Variants in GPBP1 observed in about 807,000 individuals in gnomAD.
GPBP1 encodes vasculin.
In GPBP1, 13 loss-of-function variants were observed where a neutral mutation model predicts 56.5. That is an observed-to-expected ratio of 0.23 (90% confidence interval 0.15 to 0.37). The LOEUF is 0.37. Among genes scored for constraint, GPBP1 ranks in the 10% least tolerant of loss-of-function variants. The pLI is 1.00. For synonymous variants in GPBP1, 204 were observed against 188.9 expected (o/e 1.08, Z -0.66); for missense variants, 477 against 572.3 (o/e 0.83, Z 1.70).
At chr5:57,197,360 C>CTTTTTTT (rs34110209) in intron 2 of GPBP1, among the ~76,000 whole-genome samples, 3 of 119,882 alleles carry the variant, frequency 2.5e-5, no homozygotes, top group Non-Finnish European at 3.2e-5. Flanking sequence ...TATCATTTTG[C>CTTTTTTT]TTTTTTTTTT....
rs1753686027 is a variant in GPBP1 at position 57,174,095 on chromosome 5, C to G, written c.-1127C>G. 6.5e-6 allele frequency: 1 copy of G among 153,094 alleles called. No homozygotes were observed. Among genetic ancestry groups the G allele is most frequent in the South Asian group, 2.1e-4 (1 of 4,862 alleles). The allele number at this position is 153,094 out of a possible 1,614,324, so 9.5% of individuals were successfully genotyped here. On this transcript the variant is annotated 5_prime_UTR_variant, in exon 1 of 12. Transcript: ENST00000506184. The stretch of plus-strand genomic sequence containing the variant: ...GGTCGGCGCCATTTTGGGACTGAGA[C>G]TGGTTGTGGGGGAGGGAAAAGCGGC...
At chr5:57,221,383 C>T (rs979941129) in intron 3 of GPBP1, 1 of 1,529,804 alleles carries the variant, frequency 6.5e-7, no homozygotes. Flanking sequence ...TAGGTCCTGA[C>T]CAGCAGTTTG....
In GPBP1 at chr5:57,177,648, C is replaced by CTTTTTTTT. The variant is rs58708281; in HGVS notation, c.-58+1271_-58+1278dup. 1.2e-3 allele frequency among the ~76,000 whole-genome samples: 112 copies of CTTTTTTTT among 92,216 alleles called. 4 individuals are homozygous for CTTTTTTTT. The highest frequency in any genetic ancestry group is 1.8e-3 in the Non-Finnish European group (90 of 50,784). The allele number at this position is 92,216 out of a possible 152,430, so 60.5% of individuals were successfully genotyped here. On this transcript the variant is annotated intron_variant, in intron 2 of 11. Transcript: ENST00000506184. ...GCCACCACGCTCGGCCAATTTTTGCCTTTTTTTTTTTTTTTTTTTTTTTTT... is the reference window on the plus strand; with the variant it reads ...GCCACCACGCTCGGCCAATTTTTGCCTTTTTTTTTTTTTTTTTTTTTTTTTTTTTTTTT...
chr5:57,191,591 G>GC (rs1754528770), intron 2 of GPBP1, among the ~76,000 whole-genome samples: 1 of 148,756 alleles, frequency 6.7e-6, no homozygotes, highest in African/African-American at 2.5e-5. Context: ...GAGACCGAGT[G>GC]TCACTCTATC....
chr5:57,221,437 T>G (rs1755955506), intron 3 of GPBP1: 6 of 1,259,314 alleles, frequency 4.8e-6, no homozygotes, highest in South Asian at 2.6e-5. Context: ...TATTGAAAAA[T>G]TTAGATAACT....
intron 6 of GPBP1, among the ~76,000 whole-genome samples, chr5:57,240,165 T>C (rs1740755744): frequency 6.6e-6 from 1 of 151,880 alleles, no homozygotes; most frequent in African/African-American, 2.4e-5. Context: ...GTGGGAGGAC[T>C]GCTTGAGCCC....
intron 10 of GPBP1, among the ~76,000 whole-genome samples, chr5:57,259,233 CAAGT>C (rs1424832769): frequency 2.0e-5 from 3 of 152,118 alleles, no homozygotes; most frequent in Non-Finnish European, 4.4e-5. Flanking sequence ...TCTTTGCCAT[CAAGT>C]AAGCAAGTTA....
At chr5:57,229,611 A>G (rs1756354969) in intron 3 of GPBP1, among the ~76,000 whole-genome samples, 1 of 151,716 alleles carries the variant, frequency 6.6e-6, no homozygotes, top group South Asian at 2.1e-4. Context: ...GCTCACTGCA[A>G]CTGCAACCTG....
intron 2 of GPBP1, among the ~76,000 whole-genome samples, chr5:57,210,903 C>T (rs1755447635): frequency 6.6e-6 from 1 of 152,148 alleles, no homozygotes; most frequent in East Asian, 1.9e-4. Flanking sequence ...ACTCTAATTG[C>T]CTCATTTGCA....
At chr5:57,219,375 C>CAAAA (rs869152603) in intron 3 of GPBP1, among the ~76,000 whole-genome samples, 3 of 35,318 alleles carry the variant, frequency 8.5e-5, no homozygotes, top group African/African-American at 2.3e-4. Flanking sequence ...GACTCTGTCT[C>CAAAA]AAAAAAAAAA....
In GPBP1 at chr5:57,180,241, A is replaced by G. The variant is rs537571067; in HGVS notation, c.-58+3841A>G. On this transcript the variant is annotated intron_variant, in intron 2 of 11. Transcript: ENST00000506184. ...GTGATTCTTATGCCTCAGCCTCCCA[A>G]GTAGCTGAGGTTACAGGTCCCCGCT... Among the ~76,000 whole-genome samples, 14 of 152,220 alleles carry G rather than the reference A, an allele frequency of 9.2e-5. No individual in the cohort carries two copies. In the East Asian group the frequency reaches 2.7e-3, roughly 29 times the overall value.
intron 2 of GPBP1, among the ~76,000 whole-genome samples, chr5:57,213,629 T>C (rs558815091): frequency 3.9e-5 from 6 of 152,306 alleles, no homozygotes; most frequent in Admixed American, 1.3e-4. Flanking sequence ...AATGTACTGC[T>C]AATTGGTAGT....
chr5:57,254,464 G>A (rs1580082587), intron 10 of GPBP1, among the ~76,000 whole-genome samples: 1 of 152,132 alleles, frequency 6.6e-6, no homozygotes, highest in East Asian at 1.9e-4. Flanking sequence ...GAAGGCTAAG[G>A]TGGGTGGGTC....
Position 57,176,158 on chromosome 5 carries a change from A to G in GPBP1, c.-300A>G. On this transcript the variant is annotated 5_prime_UTR_variant, in exon 2 of 12. The change creates a new upstream start codon in the 5' untranslated region. Coordinates refer to ENST00000506184, the MANE Select transcript of GPBP1 (RefSeq NM_022913.4). ...TACAACAGTGGCAAGTACATGGAAT[A>G]ATAAAGAAGACTTTGATCTTAAATC... 2.5e-6 allele frequency: 1 copy of G among 395,806 alleles called. No homozygotes were observed. Among genetic ancestry groups the G allele is most frequent in the Non-Finnish European group, 4.4e-6 (1 of 224,808 alleles). 24.5% of individuals were successfully genotyped at this position (395,806 alleles called of 1,614,324 possible).
intron 3 of GPBP1, among the ~76,000 whole-genome samples, chr5:57,230,261 G>T (rs1308826036): frequency 2.6e-5 from 4 of 152,174 alleles, no homozygotes; most frequent in Non-Finnish European, 5.9e-5. Context: ...AAAACTGTTG[G>T]AAGTTTTGAT....
At chr5:57,219,411 C>CAAAAAAA (rs1561348407) in intron 3 of GPBP1, among the ~76,000 whole-genome samples, 2 of 75,884 alleles carry the variant, frequency 2.6e-5, no homozygotes, top group Non-Finnish European at 4.9e-5. Flanking sequence ...AAACCAAAAA[C>CAAAAAAA]AAACAAACAA....
intron 2 of GPBP1, among the ~76,000 whole-genome samples, chr5:57,189,011 C>T (rs564365541): frequency 5.3e-5 from 8 of 151,662 alleles, no homozygotes; most frequent in South Asian, 2.1e-4. Context: ...TCTTTCTTTG[C>T]GACGAAGTTT....
chr5:57,210,014 CATT>C (rs1755405905), intron 2 of GPBP1, among the ~76,000 whole-genome samples: 1 of 152,018 alleles, frequency 6.6e-6, no homozygotes, highest in Non-Finnish European at 1.5e-5. Flanking sequence ...TTTCTGAAAT[CATT>C]ATAAAGACAG....
At chr5:57,201,977 T>A (rs944263446) in intron 2 of GPBP1, among the ~76,000 whole-genome samples, 1 of 152,204 alleles carries the variant, frequency 6.6e-6, no homozygotes, top group African/African-American at 2.4e-5. Flanking sequence ...CTGCGTTTTT[T>A]AAATTTAAGT....
Sources: gnomAD v4.1 joint callset for allele counts (sites outside exome capture counted in the v4.1 genomes callset) on GRCh38, gnomAD v4.1.1 for gene constraint, MANE v1.5 for transcripts, NCBI Gene and HGNC (gene_info 2026-07-23, HGNC 2026-07-21) for gene names.